Variants in GALNT1 observed in about 807,000 individuals in gnomAD.
The protein encoded by GALNT1 is polypeptide N-acetylgalactosaminyltransferase 1.
In GALNT1, 17 loss-of-function variants were observed where a neutral mutation model predicts 65.7. That is an observed-to-expected ratio of 0.26 (90% CI 0.18 to 0.39). GALNT1 has a LOEUF of 0.39. Among genes scored for constraint, GALNT1 ranks in the 10% least tolerant of loss-of-function variants. The pLI, the probability that GALNT1 is intolerant of heterozygous loss-of-function variation, is 1.00. For missense variants in GALNT1, 460 were observed against 672.8 expected, an observed-to-expected ratio of 0.68 and a Z score of 3.50; for synonymous variants, 210 against 219.7, an observed-to-expected ratio of 0.96 and a Z score of 0.39.
At chr18:35,633,365 T>TA (rs1443912734) in intron 1 of GALNT1, among the ~76,000 whole-genome samples, 1 of 152,080 alleles carries the variant, frequency 6.6e-6, no homozygotes, top group East Asian at 1.9e-4. Context: ...TGTGCAACCA[T>TA]AAAAATGGAT....
intron 5 of GALNT1, among the ~76,000 whole-genome samples, chr18:35,684,491 A>G (rs984934607): frequency 6.6e-6 from 1 of 152,188 alleles, no homozygotes; most frequent in East Asian, 1.9e-4. Context: ...TAAATAATAG[A>G]TGACGTTTTA....
intron 3 of GALNT1, among the ~76,000 whole-genome samples, chr18:35,668,829 C>A (rs554442409): frequency 8.5e-5 from 13 of 152,140 alleles, no homozygotes; most frequent in Non-Finnish European, 1.5e-4. Context: ...TATAAAATCC[C>A]AATTTTTTAA....
chr18:35,586,776 C>T (rs1292507727), intron 1 of GALNT1, among the ~76,000 whole-genome samples: 1 of 152,162 alleles, frequency 6.6e-6, no homozygotes, highest in Non-Finnish European at 1.5e-5. Context: ...CTGATTCCTC[C>T]TACACTTTTT....
intron 3 of GALNT1, among the ~76,000 whole-genome samples, chr18:35,668,978 AC>A (rs1415782875): frequency 6.6e-6 from 1 of 152,238 alleles, no homozygotes; most frequent in African/African-American, 2.4e-5. Context: ...GCACTGACTC[AC>A]GCCTGTAATC....
chr18:35,608,337 A>G (rs1384286825), intron 1 of GALNT1, among the ~76,000 whole-genome samples: 2 of 152,164 alleles, frequency 1.3e-5, no homozygotes, highest in African/African-American at 4.8e-5. Context: ...GTTTTTTAAG[A>G]TTTCTAAGAA....
intron 1 of GALNT1, among the ~76,000 whole-genome samples, chr18:35,600,400 T>G (rs1428520757): frequency 6.6e-6 from 1 of 152,202 alleles, no homozygotes; most frequent in Non-Finnish European, 1.5e-5. Flanking sequence ...TGGATTTGAT[T>G]ATTGGTTCTA....
chr18:35,604,544 A>G (rs2143984448), intron 1 of GALNT1, among the ~76,000 whole-genome samples: 1 of 152,306 alleles, frequency 6.6e-6, no homozygotes, highest in Non-Finnish European at 1.5e-5. Context: ...CCAGCATATA[A>G]GCATTTCCTT....
At chr18:35,582,696 A>G (rs2046337121) in intron 1 of GALNT1, among the ~76,000 whole-genome samples, 1 of 152,208 alleles carries the variant, frequency 6.6e-6, no homozygotes, top group Non-Finnish European at 1.5e-5. Context: ...TTGCTTTATA[A>G]TCGTGTCAAG....
At position 35,631,116 on chromosome 18, in the gene GALNT1, C is replaced by T. The variant is rs1241344; in HGVS notation, c.-103-23444C>T. ...CCGGCAGATTCACAGCCACATTCTACCAGAGGTACAAGGAGGAGCTGGTAC... is the reference window on the plus strand; with the variant it reads ...CCGGCAGATTCACAGCCACATTCTATCAGAGGTACAAGGAGGAGCTGGTAC... On this transcript the variant is annotated intron_variant, in intron 1 of 11. Transcript: ENST00000269195. Among the ~76,000 whole-genome samples, 185 of 152,240 alleles carry T rather than the reference C, an allele frequency of 1.2e-3. 2 individuals carry two copies. The highest frequency in any genetic ancestry group is 0.01 in the Middle Eastern group (3 of 294).
chr18:35,604,146 T>C (rs2046616353), intron 1 of GALNT1, among the ~76,000 whole-genome samples: 1 of 152,120 alleles, frequency 6.6e-6, no homozygotes, highest in South Asian at 2.1e-4. Flanking sequence ...GTACTCAATG[T>C]TTCGCTCCCA....
intron 9 of GALNT1, among the ~76,000 whole-genome samples, chr18:35,702,101 G>A (rs541532435): frequency 3.9e-4 from 60 of 152,214 alleles, no homozygotes; most frequent in Middle Eastern, 3.4e-3. Flanking sequence ...GGGAATATTG[G>A]AATAATATGC....
At position 35,624,785 on chromosome 18, in the gene GALNT1, C is replaced by T. The variant is rs1278513194; in HGVS notation, c.-103-29775C>T. 4.5e-4 allele frequency among the ~76,000 whole-genome samples: 68 copies of T among 152,104 alleles called. 1 individual carries two copies. Among genetic ancestry groups the T allele is most frequent in the Admixed American group, 4.5e-3 (68 of 15,268 alleles). On this transcript the variant is annotated intron_variant, in intron 1 of 11. Transcript: ENST00000269195. ...CTAAAATTAATCTTTCTACCCTATC[C>T]CTAAACACAATGACCTTAAAATGCT...
At chr18:35,602,545 A>T (rs591028) in intron 1 of GALNT1, among the ~76,000 whole-genome samples, 3 of 152,070 alleles carry the variant, frequency 2.0e-5, no homozygotes, top group Non-Finnish European at 2.9e-5. Flanking sequence ...TTCTTTGTTC[A>T]TTTTTATTCT....
intron 1 of GALNT1, among the ~76,000 whole-genome samples, chr18:35,647,388 A>G (rs544604903): frequency 1.2e-4 from 18 of 152,186 alleles, no homozygotes; most frequent in Non-Finnish European, 2.5e-4. Flanking sequence ...TATTCCCTGC[A>G]TTTGACACAT....
At position 35,703,605 on chromosome 18, in the gene GALNT1, C is replaced by T. The variant is rs1183420751; in HGVS notation, c.1495C>T (p.His499Tyr). 6.2e-7 allele frequency: 1 copy of T among 1,613,850 alleles called. No individual in the cohort carries two copies. The highest frequency in any genetic ancestry group is 8.5e-7 in the Non-Finnish European group (1 of 1,179,960). Residue 499 changes from histidine (H) to tyrosine (Y), a missense_variant, in exon 11 of 12, where the codon CAC (histidine) becomes TAC (tyrosine). Transcript: ENST00000269195. ...CCCAGTTACAATGCTCAAATGCCAC[C>T]ACCTAAAAGGCAACCAACTCTGGGA... ...NGPVTMLKCH[H>Y]LKGNQLWEYD... is the part of the protein sequence containing the mutation.
intron 3 of GALNT1, among the ~76,000 whole-genome samples, chr18:35,670,804 T>A (rs1237520753): frequency 6.6e-6 from 1 of 152,232 alleles, no homozygotes; most frequent in Non-Finnish European, 1.5e-5. Context: ...TGACCAGTTC[T>A]GTACATACTT....
At chr18:35,584,262 T>G (rs1398173891) in intron 1 of GALNT1, among the ~76,000 whole-genome samples, 1 of 152,248 alleles carries the variant, frequency 6.6e-6, no homozygotes, top group East Asian at 1.9e-4. Context: ...ATGTAATACA[T>G]CTGTCATGCT....
chr18:35,609,364 G>A (rs1311281024), intron 1 of GALNT1, among the ~76,000 whole-genome samples: 1 of 152,128 alleles, frequency 6.6e-6, no homozygotes, highest in Non-Finnish European at 1.5e-5. Flanking sequence ...GAGATTAATA[G>A]AGCATTGTTC....
chr18:35,581,754 G>GA lies in GALNT1; in HGVS notation c.-212_-211insA, dbSNP rs1458710932. On this transcript the variant is annotated 5_prime_UTR_variant, in exon 1 of 12. Coordinates refer to ENST00000269195, the MANE Select transcript of GALNT1 (RefSeq NM_020474.4). ...GAGCCGCCGGCAGTGGCCGAGGAGCGCGCGGCGGACGGCGGCCCGAGAGTA... is the reference window on the plus strand; with the variant it reads ...GAGCCGCCGGCAGTGGCCGAGGAGCGACGCGGCGGACGGCGGCCCGAGAGTA... 1.3e-5 allele frequency: 1 copy of GA among 76,120 alleles called. No homozygotes were observed. Among genetic ancestry groups the GA allele is most frequent in the Non-Finnish European group, 2.8e-5 (1 of 36,240 alleles). The allele number at this position is 76,120 out of a possible 1,614,324, so 4.7% of individuals were successfully genotyped here. A position where few individuals can be genotyped will look rare whatever the true frequency, so the allele number is the denominator to read the frequency against.
Sources: allele counts gnomAD v4.1 joint callset (sites outside exome capture counted in the v4.1 genomes callset), GRCh38; gene constraint gnomAD v4.1.1; transcripts MANE v1.5; gene names NCBI Gene and HGNC (gene_info 2026-07-23, HGNC 2026-07-21).